The following DOCK8 variants were observed in gnomAD, a reference collection of about 807,000 sequenced individuals.
The protein encoded by DOCK8 is dedicator of cytokinesis protein 8.
Under a neutral mutation model 245.6 loss-of-function variants are expected in DOCK8, and 141 were observed. That is an observed-to-expected ratio of 0.57 (90% CI 0.50 to 0.66). DOCK8 has a LOEUF of 0.66. DOCK8 is among the 30% of genes least tolerant of loss of function. DOCK8 has a pLI of 0.00. For synonymous variants in DOCK8, 1,168 were observed against 970.2 expected (o/e 1.20, Z -3.79); for missense variants, 2,965 against 2,603.4 (o/e 1.14, Z -3.02).
intron 25 of DOCK8, among the ~76,000 whole-genome samples, chr9:397,583 G>T (rs565531668): frequency 6.6e-6 from 1 of 151,260 alleles, no homozygotes; most frequent in South Asian, 2.1e-4. Flanking sequence ...CCAGCTTCTC[G>T]GGAGGCTGAG....
intron 23 of DOCK8, among the ~76,000 whole-genome samples, chr9:386,968 G>A (rs1586865416): frequency 6.6e-6 from 1 of 152,114 alleles, no homozygotes; most frequent in East Asian, 1.9e-4. Flanking sequence ...TTTAAAAGCT[G>A]TTAAACTGCT....
chr9:309,841 C>G (rs938728682), intron 5 of DOCK8, among the ~76,000 whole-genome samples: 1 of 152,128 alleles, frequency 6.6e-6, no homozygotes, highest in Non-Finnish European at 1.5e-5. Flanking sequence ...TTTCAAAAAC[C>G]AAGTTCTGAG....
At chr9:220,146 A>G (rs2046850240) in intron 1 of DOCK8, among the ~76,000 whole-genome samples, 1 of 152,242 alleles carries the variant, frequency 6.6e-6, no homozygotes, top group African/African-American at 2.4e-5. Context: ...GTTCTAGACC[A>G]AAGACCAACA....
At chr9:420,910 T>G (rs762054042) in intron 31 of DOCK8, 39 bp from the exon 32 acceptor site, 2 of 1,613,916 alleles carry the variant, frequency 1.2e-6, no homozygotes, top group South Asian at 2.2e-5. Flanking sequence ...AACGGAGATC[T>G]CACCAAAGGA....
intron 11 of DOCK8, among the ~76,000 whole-genome samples, chr9:335,222 G>T (rs1270994740): frequency 6.6e-6 from 1 of 151,974 alleles, no homozygotes; most frequent in African/African-American, 2.4e-5. Flanking sequence ...TTTCTTTTTC[G>T]TCATCTCACC....
intron 4 of DOCK8, among the ~76,000 whole-genome samples, chr9:302,485 C>T (rs761240116): frequency 6.6e-6 from 1 of 152,078 alleles, no homozygotes; most frequent in Non-Finnish European, 1.5e-5. Flanking sequence ...GTAACAAAAA[C>T]AAAAATTGAC....
intron 38 of DOCK8, 40 bp downstream of exon 38, chr9:434,015 G>C: frequency 6.8e-7 from 1 of 1,470,552 alleles, no homozygotes; most frequent in East Asian, 2.3e-5. Context: ...CCATTTGGGG[G>C]TCGAGGATTT....
At chr9:301,452 C>G (rs1483216474) in intron 4 of DOCK8, among the ~76,000 whole-genome samples, 1 of 152,212 alleles carries the variant, frequency 6.6e-6, no homozygotes, top group Non-Finnish European at 1.5e-5. Context: ...AGGATGCCTA[C>G]TCTCACCACT....
chr9:235,816 C>G (rs556033249), intron 1 of DOCK8, among the ~76,000 whole-genome samples: 4 of 152,282 alleles, frequency 2.6e-5, no homozygotes, highest in African/African-American at 4.8e-5. Context: ...CTTTCTTTGA[C>G]TAGGAAAGGG....
At position 336,730 on chromosome 9, in the gene DOCK8, C is replaced by CATTACAGTGTGTCTGGATTT; in HGVS notation, c.1422+13_1422+32dup. 1 of 1,613,920 alleles carries CATTACAGTGTGTCTGGATTT rather than the reference C, an allele frequency of 6.2e-7. No homozygotes were observed. Among genetic ancestry groups the CATTACAGTGTGTCTGGATTT allele is most frequent in the Non-Finnish European group, 8.5e-7 (1 of 1,179,878 alleles). ...GCTTTTTCAAGCAGGTATCTCTTCA[C>CATTACAGTGTGTCTGGATTT]ATTACAGTGTGTCTGGATTTTTCCC... On this transcript the variant is annotated intron_variant, in intron 12 of 47. Coordinates refer to ENST00000432829, the MANE Select transcript of DOCK8 (RefSeq NM_203447.4).
chr9:412,803 T>C (rs2055807917), intron 28 of DOCK8, among the ~76,000 whole-genome samples: 1 of 151,250 alleles, frequency 6.6e-6, no homozygotes, highest in East Asian at 1.9e-4. Flanking sequence ...TCAGAAGACT[T>C]ATTATTAAAA....
rs1306669509 is a variant in DOCK8, at chr9:400,108, TCCA to T, written c.3234+859_3234+861del. On this transcript the variant is annotated intron_variant, in intron 26 of 47. Transcript: ENST00000432829. Reference sequence around the variant, plus strand: ...CACCTCCACCATCACCACCACCACCTCCACCACCACCAGCATCTTCACCATCAC... The same window carrying T: ...CACCTCCACCATCACCACCACCACCTCCACCACCAGCATCTTCACCATCAC... Among the ~76,000 whole-genome samples the T allele has an allele frequency of 4.1e-3, 201 of 49,242 alleles. 8 individuals are homozygous for T. The highest frequency in any genetic ancestry group is 0.019 in the African/African-American group (125 of 6,664). 32.3% of individuals were successfully genotyped at this position (49,242 alleles called of 152,430 possible). A position where few individuals can be genotyped will look rare whatever the true frequency, so the allele number is the denominator to read the frequency against.
rs1563998886 is a variant in DOCK8, at chr9:390,495, C to T, written c.2899C>T (p.Gln967Ter). ...GCATTTCCATGAGGAGCTTGCCCTT[C>T]AGATGGTGGTCAGCACCGGAATGGT... is the stretch of plus-strand genomic sequence containing the variant. The part of the protein sequence containing the change: ...KKHFHEELAL[Q>*]MVVSTGMVRE... Residue 967 changes from glutamine to a stop codon, truncating the protein, a stop_gained, in exon 24 of 48, where the codon CAG (glutamine) becomes TAG (stop). Transcript: ENST00000432829. LOFTEE classifies it high-confidence loss of function. The T allele has an allele frequency of 6.2e-7, 1 of 1,614,076 alleles. No homozygotes were observed. The highest frequency in any genetic ancestry group is 8.5e-7 in the Non-Finnish European group (1 of 1,180,018).
At chr9:430,514 C>G (rs2056669555) in intron 36 of DOCK8, among the ~76,000 whole-genome samples, 1 of 151,938 alleles carries the variant, frequency 6.6e-6, no homozygotes, top group Non-Finnish European at 1.5e-5. Flanking sequence ...AAACCCCCGT[C>G]TCTACAATAC....
chr9:375,542 G>A (rs536742572), intron 18 of DOCK8, among the ~76,000 whole-genome samples: 1 of 152,302 alleles, frequency 6.6e-6, no homozygotes, highest in African/African-American at 2.4e-5. Flanking sequence ...CTGATTAATG[G>A]GGAAATTGCT....
chr9:412,358 T>C (rs1311781175), intron 28 of DOCK8, among the ~76,000 whole-genome samples: 2 of 140,014 alleles, frequency 1.4e-5, no homozygotes, highest in Non-Finnish European at 3.0e-5. Context: ...TGAGCTGAGA[T>C]CACGCTACTG....
intron 7 of DOCK8, among the ~76,000 whole-genome samples, chr9:323,746 A>T (rs2050629331): frequency 6.6e-6 from 1 of 152,204 alleles, no homozygotes; most frequent in Admixed American, 6.5e-5. Flanking sequence ...GCCTCATGTA[A>T]GGGGAATCAT....
chr9:382,516 C>T lies in DOCK8; in HGVS notation c.2609C>T (p.Ala870Val). The T allele has an allele frequency of 6.2e-7, 1 of 1,613,690 alleles. No homozygotes were observed. Among genetic ancestry groups the T allele is most frequent in the African/African-American group, 1.3e-5 (1 of 75,042 alleles). ...GTCTCTGCCTGGTGGGGTGCAGGCG[C>T]TCCCACTGCCCTCCTAGACCCTCGG... The part of the protein sequence containing the change: ...EVQRDVPKSG[A>V]PTALLDPRSY... The change falls in exon 22 of 48, where the codon GCT becomes GTT. Residue 870 changes from alanine to valine, a missense_variant. Around this residue, in one of 3 missense-constraint regions of DOCK8, gnomAD observed 2,825 missense variants for 2,453.5 expected, o/e 1.15. Coordinates refer to ENST00000432829, the MANE Select transcript of DOCK8 (RefSeq NM_203447.4).
At chr9:435,313 G>A (rs1278027533) in intron 39 of DOCK8, among the ~76,000 whole-genome samples, 2 of 151,950 alleles carry the variant, frequency 1.3e-5, no homozygotes. Context: ...ATGGCACCTA[G>A]CCATTATTAA....
Sources: gnomAD v4.1 joint callset for allele counts (sites outside exome capture counted in the v4.1 genomes callset) on GRCh38, gnomAD v4.1.1 for gene constraint, gnomAD v4.1.1 regional missense constraint, MANE v1.5 for transcripts, NCBI Gene and HGNC (gene_info 2026-07-23, HGNC 2026-07-21) for gene names.